CD86: variants seen among roughly 807,000 people sequenced by gnomAD.
CD86 encodes T-lymphocyte activation antigen CD86.
Under a neutral mutation model 32.1 loss-of-function variants are expected in CD86, and 11 were observed. The ratio of observed to expected loss-of-function variants is 0.34; its 90% CI spans 0.22 to 0.57. The LOEUF (loss-of-function observed/expected upper bound fraction) is 0.57. Among genes scored for constraint, CD86 ranks in the 20% least tolerant of loss-of-function variants. The pLI is 0.86. For missense variants in CD86, 359 were observed against 398.4 expected (o/e 0.90, Z 0.84); for synonymous variants, 137 against 135.3 (o/e 1.01, Z -0.09).
At chr3:122,118,151 T>TCAAGTAAC in intron 6 of CD86, 58 bp downstream of exon 6, 1 of 1,406,320 alleles carries the variant, frequency 7.1e-7, no homozygotes, top group Non-Finnish European at 1.0e-6. Context: ...GAGTGCCTGT[T>TCAAGTAAC]ACTTGAATAG....
At position 122,106,439 on chromosome 3, in the gene CD86, G is replaced by C; in HGVS notation, c.642G>C (p.Met214Ile). The C allele has an allele frequency of 6.2e-7, 1 of 1,613,956 alleles. No homozygotes were observed. The highest frequency in any genetic ancestry group is 8.5e-7 in the Non-Finnish European group (1 of 1,179,876). Residue 214 changes from methionine to isoleucine, a missense_variant, in exon 4 of 7, where the codon ATG becomes ATC. Transcript: ENST00000330540. ...SVSFPDVTSN[M>I]TIFCILETDK... ...CATTCCCTGATGTTACGAGCAATAT[G>C]ACCATCTTCTGTATTCTGGAAACTG...
chr3:122,085,025 CT>C (rs2072694071), intron 1 of CD86, among the ~76,000 whole-genome samples: 1 of 152,178 alleles, frequency 6.6e-6, no homozygotes, highest in Non-Finnish European at 1.5e-5. Context: ...TGATCACTAT[CT>C]TGCTTTTCTA....
chr3:122,075,047 G>A (rs906343503), intron 1 of CD86, among the ~76,000 whole-genome samples: 1 of 151,578 alleles, frequency 6.6e-6, no homozygotes, highest in Non-Finnish European at 1.5e-5. Context: ...CTGCTGGCCT[G>A]TCACACAAAC....
intron 1 of CD86, among the ~76,000 whole-genome samples, chr3:122,078,889 G>C (rs370127413): frequency 6.6e-6 from 1 of 152,174 alleles, no homozygotes; most frequent in South Asian, 2.1e-4. Context: ...ACTAAAATGC[G>C]TCTATTTATG....
chr3:122,117,795 G>GAT (rs1430558207), intron 5 of CD86, among the ~76,000 whole-genome samples: 1 of 152,200 alleles, frequency 6.6e-6, no homozygotes, highest in African/African-American at 2.4e-5. Flanking sequence ...CCAGGATAGA[G>GAT]ATATAAGTGA....
chr3:122,105,410 A>G (rs144853466), intron 3 of CD86, among the ~76,000 whole-genome samples: 20 of 152,320 alleles, frequency 1.3e-4, no homozygotes, highest in African/African-American at 4.8e-4. Context: ...AGAATACACT[A>G]AATTATAAAT....
chr3:122,111,212 G>T (rs1372075920), intron 5 of CD86, among the ~76,000 whole-genome samples: 1 of 152,208 alleles, frequency 6.6e-6, no homozygotes, highest in Non-Finnish European at 1.5e-5. Context: ...TATCACTGTA[G>T]GGAGGGAGGT....
Position 122,091,670 on chromosome 3 carries a change from G to T in CD86, c.64+20G>T, listed in dbSNP as rs765871942. ...TCTCTGGTAAGAACCTTTCAGCTTT[G>T]TTAAGTCCTGGAATCCTACTGTCTC... On this transcript the variant is annotated intron_variant, in intron 2 of 6. Transcript: ENST00000330540. 6 of 1,603,816 alleles carry T rather than the reference G, an allele frequency of 3.7e-6. 1 individual carries two copies. The South Asian group carries it at 6.6e-5, about 18-fold the overall frequency.
intron 2 of CD86, among the ~76,000 whole-genome samples, chr3:122,102,408 T>A (rs1370000652): frequency 1.3e-4 from 16 of 122,686 alleles, no homozygotes; most frequent in African/African-American, 4.8e-4. Context: ...ACTGCTTACT[T>A]TTTTTTTTTT....
At chr3:122,088,717 C>T (rs1286746999) in intron 1 of CD86, among the ~76,000 whole-genome samples, 1 of 152,170 alleles carries the variant, frequency 6.6e-6, no homozygotes, top group Non-Finnish European at 1.5e-5. Flanking sequence ...GCTCTTGTTC[C>T]AGTTGTCGAT....
rs778624784 is a variant in CD86 at position 122,103,773 on chromosome 3, A to G, written c.326A>G (p.Gln109Arg). The G allele has an allele frequency of 5.0e-6, 8 of 1,613,948 alleles. No individual in the cohort carries two copies. The East Asian group carries it at 6.7e-5, about 13-fold the overall frequency. ...CAGATCAAGGACAAGGGCTTGTATC[A>G]ATGTATCATCCATCACAAAAAGCCC... The part of the protein sequence containing the change: ...NLQIKDKGLY[Q>R]CIIHHKKPTG... Residue 109 changes from glutamine to arginine, a missense_variant, in exon 3 of 7, where the codon CAA (glutamine) becomes CGA (arginine). Gln to Arg is a conservative substitution (Grantham distance 43, BLOSUM62 1). Transcript: ENST00000330540.
At chr3:122,117,331 T>C (rs144504703) in intron 5 of CD86, among the ~76,000 whole-genome samples, 59 of 152,318 alleles carry the variant, frequency 3.9e-4, no homozygotes, top group Non-Finnish European at 6.0e-4. Flanking sequence ...GAACTTCCAG[T>C]GACAGGAAGT....
intron 1 of CD86, chr3:122,077,999 G>A: frequency 1.0e-6 from 1 of 985,662 alleles, no homozygotes; most frequent in Non-Finnish European, 1.2e-6. Context: ...CTGTGCTTAT[G>A]CATCTGGTCT....
At chr3:122,097,936 A>G (rs891350398) in intron 2 of CD86, among the ~76,000 whole-genome samples, 1 of 152,170 alleles carries the variant, frequency 6.6e-6, no homozygotes, top group African/African-American at 2.4e-5. Flanking sequence ...GCCTGGGCTA[A>G]GATTGCAAGT....
At chr3:122,070,854 A>AT (rs1333985609) in intron 1 of CD86, among the ~76,000 whole-genome samples, 1 of 152,144 alleles carries the variant, frequency 6.6e-6, no homozygotes, top group Non-Finnish European at 1.5e-5. Flanking sequence ...ATTGATGCTA[A>AT]TTTTCTTTCC....
chr3:122,074,995 C>T (rs2072537071), intron 1 of CD86, among the ~76,000 whole-genome samples: 1 of 151,992 alleles, frequency 6.6e-6, no homozygotes, highest in Admixed American at 6.6e-5. Flanking sequence ...ACCCTTGGCT[C>T]TGATGACATA....
Position 122,103,650 on chromosome 3 carries a change from T to G in CD86, c.203T>G (p.Val68Gly). ...QDQENLVLNE[V>G]YLGKEKFDSV... ...CAGGAAAACTTGGTTCTGAATGAGG[T>G]ATACTTAGGCAAAGAGAAATTTGAC... Residue 68 changes from valine (V) to glycine (G), a missense_variant, in exon 3 of 7, where the codon GTA (valine) becomes GGA (glycine). Transcript: ENST00000330540. 1.9e-6 allele frequency: 3 copies of G among 1,614,068 alleles called. No individual in the cohort carries two copies. The highest frequency in any genetic ancestry group is 2.5e-6 in the Non-Finnish European group (3 of 1,179,936).
chr3:122,094,965 A>G (rs1178393875), intron 2 of CD86, among the ~76,000 whole-genome samples: 2 of 152,152 alleles, frequency 1.3e-5, no homozygotes, highest in African/African-American at 2.4e-5. Flanking sequence ...CCTCCATCAC[A>G]CTTTTAGGCT....
chr3:122,083,198 C>G (rs2072658153), intron 1 of CD86, among the ~76,000 whole-genome samples: 1 of 152,208 alleles, frequency 6.6e-6, no homozygotes, highest in African/African-American at 2.4e-5. Flanking sequence ...ATTTGCTACA[C>G]AGAAACCATG....
Sources: allele counts gnomAD v4.1 joint callset (sites outside exome capture counted in the v4.1 genomes callset), GRCh38; gene constraint gnomAD v4.1.1; transcripts MANE v1.5; gene names NCBI Gene and HGNC (gene_info 2026-07-23, HGNC 2026-07-21).